The following CARF variants were observed in gnomAD, a reference collection of about 807,000 sequenced individuals.
CARF encodes calcium-responsive transcription factor.
A neutral mutation model predicts 82.0 loss-of-function variants in CARF; 57 were observed. The observed-to-expected ratio is 0.70, with a 90% confidence interval of 0.56 to 0.87. The LOEUF is 0.87. Ranked by LOEUF, CARF falls within the 40% of genes least tolerant of loss-of-function variation. The probability of loss-of-function intolerance (pLI) is 0.00; values close to 1 mark genes in which losing one functional copy is unlikely to be tolerated. For synonymous variants in CARF, 268 were observed against 290.1 expected, an observed-to-expected ratio of 0.92 and a Z score of 0.77; for missense variants, 771 against 855.8, an observed-to-expected ratio of 0.90 and a Z score of 1.24.
At chr2:202,972,878 A>G (rs1012923634) in intron 12 of CARF, among the ~76,000 whole-genome samples, 7 of 152,130 alleles carry the variant, frequency 4.6e-5, no homozygotes, top group African/African-American at 1.7e-4. Context: ...TTTAACCAAA[A>G]GGAAATACAG....
chr2:202,982,186 G>A lies in CARF; in HGVS notation c.1804G>A (p.Val602Ile). 1 of 1,614,172 alleles carries A rather than the reference G, an allele frequency of 6.2e-7. No individual in the cohort carries two copies. The highest frequency in any genetic ancestry group is 8.5e-7 in the Non-Finnish European group (1 of 1,180,024). ...SGLLDTIGSAVMNNNSLLLGQ... is the reference protein window; with the variant it reads ...SGLLDTIGSAIMNNNSLLLGQ... Reference sequence around the variant, plus strand: ...ACTTCTGGATACAATAGGAAGTGCTGTAATGAATAATAATTCTCTACTGCT... The same window carrying A: ...ACTTCTGGATACAATAGGAAGTGCTATAATGAATAATAATTCTCTACTGCT... The change falls in exon 16 of 17, where the codon GTA becomes ATA. Residue 602 changes from valine to isoleucine, a missense_variant. Physicochemically the swap from Val to Ile is conservative, Grantham distance 29. Coordinates refer to ENST00000438828, the MANE Select transcript of CARF (RefSeq NM_024744.17).
intron 11 of CARF, 29 bp downstream of exon 11, chr2:202,970,091 T>C: frequency 2.6e-6 from 4 of 1,524,936 alleles, no homozygotes; most frequent in Non-Finnish European, 3.5e-6. Flanking sequence ...TCTTTTATTT[T>C]ACAAATTAAT....
chr2:202,929,472 T>C (rs1047541408), intron 3 of CARF, among the ~76,000 whole-genome samples: 2 of 152,182 alleles, frequency 1.3e-5, no homozygotes, highest in African/African-American at 4.8e-5. Flanking sequence ...CTTGGTACCT[T>C]TGTTGAAAAT....
chr2:202,986,883 T>TATACATATATATATATATATATATATAC lies in CARF; in HGVS notation c.*3262_*3263insCATATATATATATATATATATATACATA, dbSNP rs1465800164. On this transcript the variant is annotated 3_prime_UTR_variant, in exon 17 of 17. Transcript: ENST00000438828. The stretch of plus-strand genomic sequence containing the variant: ...ATGTCTGTGCGTATATATATATATA[T>TATACATATATATATATATATATATATAC]ATATATATATATATATATATATATA... 18 of 118,026 alleles carry TATACATATATATATATATATATATATAC rather than the reference T, an allele frequency of 1.5e-4. No homozygotes were observed. Among genetic ancestry groups the TATACATATATATATATATATATATATAC allele is most frequent in the African/African-American group, 4.9e-4 (17 of 34,810 alleles). The allele number at this position is 118,026 out of a possible 1,614,324, so 7.3% of individuals were successfully genotyped here. A position where few individuals can be genotyped will look rare whatever the true frequency, so the allele number is the denominator to read the frequency against.
intron 1 of CARF, among the ~76,000 whole-genome samples, chr2:202,916,137 C>G (rs1397018877): frequency 6.6e-6 from 1 of 151,112 alleles, no homozygotes; most frequent in Admixed American, 6.6e-5. Context: ...GTAAATTTTA[C>G]TTTCTAAAGT....
In CARF at chr2:202,915,873, G is replaced by A. The variant is rs186571324; in HGVS notation, c.-329-2004G>A. ...TCCGCCCACTTTAGACTCCCAAAGC[G>A]CTGGGATTACAGGCATGAGCCACTG... On this transcript the variant is annotated intron_variant, in intron 1 of 16. Transcript: ENST00000438828. Among the ~76,000 whole-genome samples the A allele has an allele frequency of 9.2e-3, 1,394 of 152,040 alleles. 26 individuals carry two copies. The highest frequency in any genetic ancestry group is 0.032 in the African/African-American group (1,342 of 41,464).
chr2:202,938,049 C>A (rs150968587), intron 3 of CARF, among the ~76,000 whole-genome samples: 70 of 152,226 alleles, frequency 4.6e-4, no homozygotes, highest in Non-Finnish European at 9.3e-4. Context: ...GGGTATCCAT[C>A]CCCTCAAGCA....
At chr2:202,926,861 C>T (rs746187381) in intron 3 of CARF, among the ~76,000 whole-genome samples, 14 of 152,208 alleles carry the variant, frequency 9.2e-5, no homozygotes, top group Middle Eastern at 3.4e-3. Context: ...CTTGCTCTGT[C>T]GCCCAGGTTG....
At chr2:202,919,050 T>TG (rs1690296527) in intron 2 of CARF, among the ~76,000 whole-genome samples, 2 of 152,216 alleles carry the variant, frequency 1.3e-5, no homozygotes, top group Non-Finnish European at 2.9e-5. Flanking sequence ...TGTACTTACC[T>TG]AAGCCAGTCA....
At chr2:202,971,100 A>G (rs1480360211) in intron 11 of CARF, among the ~76,000 whole-genome samples, 1 of 152,176 alleles carries the variant, frequency 6.6e-6, no homozygotes, top group Non-Finnish European at 1.5e-5. Flanking sequence ...TACACAGTTC[A>G]AAAGATGATG....
At position 202,977,990 on chromosome 2, in the gene CARF, C is replaced by T. The variant is rs572155561; in HGVS notation, c.1558+658C>T. 6.7e-4 allele frequency among the ~76,000 whole-genome samples: 102 copies of T among 151,890 alleles called. 1 individual carries two copies. The highest frequency in any genetic ancestry group is 2.2e-3 in the African/African-American group (92 of 41,424). On this transcript the variant is annotated intron_variant, in intron 14 of 16. Coordinates refer to ENST00000438828, the MANE Select transcript of CARF (RefSeq NM_024744.17). Reference sequence around the variant, plus strand: ...CCTCCCGAGTAGCTGGGATCACAGGCGCACGCCACCATACCTGGCTAATTT... The same window carrying T: ...CCTCCCGAGTAGCTGGGATCACAGGTGCACGCCACCATACCTGGCTAATTT...
At chr2:202,938,862 G>A (rs2058079966) in intron 3 of CARF, among the ~76,000 whole-genome samples, 1 of 152,066 alleles carries the variant, frequency 6.6e-6, no homozygotes, top group African/African-American at 2.4e-5. Flanking sequence ...TTACAGGCAT[G>A]AGCCACCACA....
rs968259285 is a variant in CARF at position 202,970,055 on chromosome 2, G to A, written c.1090G>A (p.Val364Ile). 17 of 1,564,322 alleles carry A rather than the reference G, an allele frequency of 1.1e-5. No homozygotes were observed. Among genetic ancestry groups the A allele is most frequent in the Non-Finnish European group, 1.5e-5 (17 of 1,165,310 alleles). The part of the protein sequence containing the change: ...LKKNLVDAGG[V>I]LRWYVQLPTQ... ...GAAGAACTTGGTAGATGCTGGTGGT[G>A]TTCTTAGGTATGACATTTTTATAGT... Residue 364 changes from valine to isoleucine, a missense_variant, in exon 11 of 17, where the codon GTT becomes ATT. Val to Ile is a conservative substitution (Grantham distance 29). Transcript: ENST00000438828.
chr2:202,981,294 G>A (rs1311885618), intron 14 of CARF, among the ~76,000 whole-genome samples: 1 of 152,178 alleles, frequency 6.6e-6, no homozygotes, highest in Non-Finnish European at 1.5e-5. Flanking sequence ...CTAACACGAG[G>A]TAGAGCTCAC....
intron 9 of CARF, chr2:202,961,860 C>T (rs1035493334): frequency 4.8e-6 from 1 of 208,796 alleles, no homozygotes; most frequent in South Asian, 8.6e-5. Context: ...AATTTGTATA[C>T]AATCTAGAGT....
At chr2:202,983,447 C>T (rs1348701211) in intron 16 of CARF, 59 bp from the exon 17 acceptor site, 5 of 1,046,154 alleles carry the variant, frequency 4.8e-6, no homozygotes, top group Non-Finnish European at 7.1e-6. Flanking sequence ...TATTTTTCCC[C>T]TCTCTTCCAG....
chr2:202,945,407 C>A (rs1478223822), intron 5 of CARF, among the ~76,000 whole-genome samples: 1 of 152,112 alleles, frequency 6.6e-6, no homozygotes, highest in Non-Finnish European at 1.5e-5. Context: ...GTTATTTCAT[C>A]CACCCATGCA....
At chr2:202,954,415 G>A (rs1311103082) in intron 7 of CARF, among the ~76,000 whole-genome samples, 2 of 151,996 alleles carry the variant, frequency 1.3e-5, no homozygotes, top group Non-Finnish European at 2.9e-5. Flanking sequence ...AGACTTTTCA[G>A]AATAAAGAAA....
intron 11 of CARF, among the ~76,000 whole-genome samples, chr2:202,971,266 G>T (rs1473244973): frequency 6.6e-6 from 1 of 151,984 alleles, no homozygotes; most frequent in Non-Finnish European, 1.5e-5. Flanking sequence ...CACAGTGAAA[G>T]TCTATAAATA....
Sources: gnomAD v4.1 joint callset for allele counts (sites outside exome capture counted in the v4.1 genomes callset) on GRCh38, gnomAD v4.1.1 for gene constraint, MANE v1.5 for transcripts, NCBI Gene and HGNC (gene_info 2026-07-23, HGNC 2026-07-21) for gene names.